Variants in COL13A1 observed in about 807,000 individuals in gnomAD.
The protein encoded by COL13A1 is collagen type XIII alpha 1 chain, also known as collagen alpha-1(XIII) chain.
Under a neutral mutation model 130.9 loss-of-function variants are expected in COL13A1, and 89 were observed. The observed-to-expected ratio is 0.68, with a 90% CI of 0.57 to 0.81. The LOEUF (loss-of-function observed/expected upper bound fraction) is 0.81, where lower values mean the gene tolerates loss of function less well. Ranked by LOEUF, COL13A1 falls within the 30% of genes least tolerant of loss-of-function variation. The pLI, the probability that COL13A1 is intolerant of heterozygous loss-of-function variation, is 0.00. For synonymous variants in COL13A1, 402 were observed against 341.6 expected, an observed-to-expected ratio of 1.18 and a Z score of -1.95; for missense variants, 879 against 934.6, an observed-to-expected ratio of 0.94 and a Z score of 0.78.
intron 2 of COL13A1, among the ~76,000 whole-genome samples, chr10:69,835,110 C>T (rs1016699015): frequency 6.6e-6 from 1 of 152,180 alleles, no homozygotes; most frequent in African/African-American, 2.4e-5. Flanking sequence ...ACAATCCTGC[C>T]CGCAGCACAC....
intron 6 of COL13A1, among the ~76,000 whole-genome samples, chr10:69,879,038 TTAAG>T (rs2059888061): frequency 6.6e-6 from 1 of 152,246 alleles, no homozygotes; most frequent in Non-Finnish European, 1.5e-5. Flanking sequence ...AGGTGCGGGT[TTAAG>T]TATTTTGTCT....
At chr10:69,923,946 G>C in intron 24 of COL13A1, 91 bp downstream of exon 24, 1 of 1,520,536 alleles carries the variant, frequency 6.6e-7, no homozygotes, top group Non-Finnish European at 8.9e-7. Flanking sequence ...GTATCCCTCA[G>C]GGCACAAGGC....
intron 17 of COL13A1, among the ~76,000 whole-genome samples, chr10:69,909,856 C>T (rs1052527942): frequency 2.6e-5 from 4 of 152,216 alleles, no homozygotes; most frequent in Non-Finnish European, 5.9e-5. Context: ...TTTATTCCAC[C>T]TTATTCAGTT....
chr10:69,910,595 G>A (rs1476990887), intron 17 of COL13A1, among the ~76,000 whole-genome samples: 4 of 152,218 alleles, frequency 2.6e-5, no homozygotes, highest in Non-Finnish European at 5.9e-5. Flanking sequence ...GCCCAGTGTG[G>A]CCAGCAGCCC....
At chr10:69,825,443 G>A (rs963615831) in intron 2 of COL13A1, among the ~76,000 whole-genome samples, 1 of 152,182 alleles carries the variant, frequency 6.6e-6, no homozygotes, top group Non-Finnish European at 1.5e-5. Context: ...CATAGTAGAT[G>A]CTCTGTGAAT....
At chr10:69,954,585 G>C (rs921231400) in intron 39 of COL13A1, among the ~76,000 whole-genome samples, 7 of 152,220 alleles carry the variant, frequency 4.6e-5, no homozygotes, top group Non-Finnish European at 8.8e-5. Flanking sequence ...AGTAGACTGA[G>C]AAGCTCTAGA....
At chr10:69,858,114 T>C (rs1275240637) in intron 2 of COL13A1, among the ~76,000 whole-genome samples, 1 of 5,994 alleles carries the variant, frequency 1.7e-4, no homozygotes, top group Non-Finnish European at 8.9e-4. Flanking sequence ...AGACTCCGTC[T>C]CAAAAAAAAA....
intron 2 of COL13A1, among the ~76,000 whole-genome samples, chr10:69,853,281 C>T (rs565888597): frequency 1.4e-4 from 21 of 152,138 alleles, no homozygotes; most frequent in Non-Finnish European, 2.4e-4. Flanking sequence ...CCGTCCCATC[C>T]CCCACCTGGC....
At position 69,936,776 on chromosome 10, in the gene COL13A1, A is replaced by G. The variant is rs759212495; in HGVS notation, c.1791A>G (p.Gly597=). The part of the protein sequence containing the change: ...PGPPGLQGVP[G]PKGEAGLDGA... ...TGCAGGGGCTCCAAGGTGTTCCTGG[A>G]CCAAAGGTAAGGAGAAGTCACATGA... Residue 597 remains glycine, a synonymous_variant, in exon 33 of 41, where the codon GGA becomes GGG. Transcript: ENST00000645393. 5 of 1,613,970 alleles carry G rather than the reference A, an allele frequency of 3.1e-6. No homozygotes were observed. The highest frequency in any genetic ancestry group is 4.2e-6 in the Non-Finnish European group (5 of 1,179,866).
intron 2 of COL13A1, among the ~76,000 whole-genome samples, chr10:69,831,993 T>C (rs1214466656): frequency 1.3e-5 from 2 of 152,152 alleles, no homozygotes; most frequent in African/African-American, 4.8e-5. Context: ...GCCACGATGA[T>C]GGTGATGACG....
chr10:69,899,321 G>A (rs1286567310), intron 14 of COL13A1, among the ~76,000 whole-genome samples: 5 of 152,236 alleles, frequency 3.3e-5, no homozygotes, highest in Non-Finnish European at 7.3e-5. Flanking sequence ...TCCTGGCACA[G>A]TTTAAGAGAC....
chr10:69,917,009 T>C (rs559235816), intron 17 of COL13A1, among the ~76,000 whole-genome samples: 4 of 152,282 alleles, frequency 2.6e-5, no homozygotes, highest in Non-Finnish European at 4.4e-5. Context: ...TAGGTAGATC[T>C]TGGGCCAGTC....
chr10:69,850,745 G>T (rs1038448592), intron 2 of COL13A1, among the ~76,000 whole-genome samples: 2 of 70,562 alleles, frequency 2.8e-5, no homozygotes, highest in Non-Finnish European at 7.1e-5. Context: ...AGAAGGGAAA[G>T]GCAACAGACC....
intron 35 of COL13A1, among the ~76,000 whole-genome samples, chr10:69,943,048 A>G (rs1267417381): frequency 2.6e-5 from 4 of 152,144 alleles, no homozygotes; most frequent in Admixed American, 2.0e-4. Flanking sequence ...GGGTTTCGCC[A>G]TGTTGGCCAG....
At chr10:69,843,704 A>T (rs908201455) in intron 2 of COL13A1, among the ~76,000 whole-genome samples, 8 of 152,232 alleles carry the variant, frequency 5.3e-5, no homozygotes, top group Non-Finnish European at 1.2e-4. Flanking sequence ...AAGCTGGTAT[A>T]GCACCCAACA....
chr10:69,957,746 C>T (rs998857398), intron 40 of COL13A1, among the ~76,000 whole-genome samples: 1 of 152,170 alleles, frequency 6.6e-6, no homozygotes, highest in Non-Finnish European at 1.5e-5. Flanking sequence ...CTAACTAATC[C>T]AGAAGACCCG....
At chr10:69,816,907 T>TG (rs1346749184) in intron 1 of COL13A1, among the ~76,000 whole-genome samples, 3 of 152,190 alleles carry the variant, frequency 2.0e-5, no homozygotes, top group African/African-American at 7.2e-5. Context: ...CCAGGAGTTT[T>TG]TCTAGGGAAA....
chr10:69,813,796 C>T (rs1393207137), intron 1 of COL13A1, among the ~76,000 whole-genome samples: 1 of 152,198 alleles, frequency 6.6e-6, no homozygotes, highest in Non-Finnish European at 1.5e-5. Context: ...TCCCTTTAAC[C>T]CCTTTGGTGG....
chr10:69,941,311 G>A (rs557566386), intron 35 of COL13A1, among the ~76,000 whole-genome samples: 1 of 152,194 alleles, frequency 6.6e-6, no homozygotes, highest in African/African-American at 2.4e-5. Flanking sequence ...TGATTCCACA[G>A]GAATGCTGAG....
Sources: allele counts gnomAD v4.1 joint callset (sites outside exome capture counted in the v4.1 genomes callset), GRCh38; gene constraint gnomAD v4.1.1; transcripts MANE v1.5; gene names NCBI Gene and HGNC (gene_info 2026-07-23, HGNC 2026-07-21).